Variants in PCDHGA2 observed in about 807,000 individuals in gnomAD.
PCDHGA2 encodes protocadherin gamma subfamily A, 2.
Under a neutral mutation model 59.2 loss-of-function variants are expected in PCDHGA2, and 40 were observed. The observed-to-expected ratio is 0.68, with a 90% CI of 0.52 to 0.88. The LOEUF is 0.88. Among genes scored for constraint, PCDHGA2 ranks in the 40% least tolerant of loss-of-function variants. The pLI, the probability that PCDHGA2 is intolerant of heterozygous loss-of-function variation, is 0.00. For synonymous variants in PCDHGA2, 560 were observed against 526.0 expected, an observed-to-expected ratio of 1.06 and a Z score of -0.89; for missense variants, 1,226 against 1,204.0, an observed-to-expected ratio of 1.02 and a Z score of -0.27.
chr5:141,421,697 A>T (rs750973568), intron 1 of PCDHGA2: 8 of 1,613,924 alleles, frequency 5.0e-6, no homozygotes, highest in Non-Finnish European at 6.8e-6. Context: ...GCTCTTCCTA[A>T]TGCTAGGGAT....
In PCDHGA2 at chr5:141,409,805, C is replaced by G. The variant is rs751397816; in HGVS notation, c.2424+68410C>G. ...CGCCTTCGCGCTCACGCTGCAGGCC[C>G]GCGACCACGGCTCGCCCACGCTCAG... On this transcript the variant is annotated intron_variant, in intron 1 of 3. Coordinates refer to ENST00000394576, the MANE Select transcript of PCDHGA2 (RefSeq NM_018915.4). 8 of 1,611,512 alleles carry G rather than the reference C, an allele frequency of 5.0e-6. No individual in the cohort carries two copies. In the African/African-American group the frequency reaches 5.3e-5, roughly 11 times the overall value.
Position 141,383,518 on chromosome 5 carries a change from G to A in PCDHGA2, c.2424+42123G>A, listed in dbSNP as rs1286743255. The A allele has an allele frequency of 2.5e-6, 4 of 1,612,554 alleles. 1 individual carries two copies. The highest frequency in any genetic ancestry group is 2.2e-5 in the South Asian group (2 of 90,928). On this transcript the variant is annotated intron_variant, in intron 1 of 3. Coordinates refer to ENST00000394576, the MANE Select transcript of PCDHGA2 (RefSeq NM_018915.4). The stretch of plus-strand genomic sequence containing the variant: ...GGTGCTGGACCGGGAGGAAGAGCGG[G>A]TTCACCACCTGGTCCTCACAGCCTC...
At chr5:141,506,669 A>C (rs1293213848) in intron 3 of PCDHGA2, among the ~76,000 whole-genome samples, 1 of 152,198 alleles carries the variant, frequency 6.6e-6, no homozygotes, top group African/African-American at 2.4e-5. Flanking sequence ...GTAAGGGCAC[A>C]ATATATTATT....
At chr5:141,429,814 T>C (rs554065871) in intron 1 of PCDHGA2, among the ~76,000 whole-genome samples, 3 of 152,322 alleles carry the variant, frequency 2.0e-5, no homozygotes, top group African/African-American at 7.2e-5. Flanking sequence ...TAATTACAAT[T>C]AGGTCAGTTA....
chr5:141,361,085 T>A, intron 1 of PCDHGA2: 1 of 1,614,014 alleles, frequency 6.2e-7, no homozygotes, highest in Non-Finnish European at 8.5e-7. Flanking sequence ...AGTTACACTC[T>A]GAGTATCGAA....
intron 1 of PCDHGA2, among the ~76,000 whole-genome samples, chr5:141,455,423 CA>C (rs2098822271): frequency 6.6e-6 from 1 of 152,040 alleles, no homozygotes; most frequent in Non-Finnish European, 1.5e-5. Flanking sequence ...AGCGGGGCTC[CA>C]AAAGAGGAGG....
chr5:141,421,850 C>T, intron 1 of PCDHGA2: 1 of 1,613,752 alleles, frequency 6.2e-7, no homozygotes, highest in Non-Finnish European at 8.5e-7. Context: ...AAAGAGGCTG[C>T]TCACCTGCTC....
chr5:141,389,789 C>A (rs1437335316), intron 1 of PCDHGA2: 4 of 1,613,328 alleles, frequency 2.5e-6, no homozygotes, highest in African/African-American at 2.7e-5. Flanking sequence ...ACAGGGACGC[C>A]GTCCGCCAGC....
At chr5:141,370,823 C>T (rs764531085) in intron 1 of PCDHGA2, 167 of 1,613,906 alleles carry the variant, frequency 1.0e-4, no homozygotes, top group Non-Finnish European at 1.2e-4. Flanking sequence ...TGGAAATCAG[C>T]GAACTGGCTC....
chr5:141,399,991 G>C, intron 1 of PCDHGA2: 1 of 1,612,422 alleles, frequency 6.2e-7, no homozygotes, highest in Non-Finnish European at 8.5e-7. Context: ...CACAGGAGAG[G>C]TGCGCACAGC....
At chr5:141,430,752 A>C (rs772436100) in intron 1 of PCDHGA2, 1 of 1,501,400 alleles carries the variant, frequency 6.7e-7, no homozygotes, top group East Asian at 2.3e-5. Context: ...TTCTGGAGGA[A>C]GATAAGAATG....
chr5:141,427,703 C>A (rs529490424), intron 1 of PCDHGA2: 2 of 957,514 alleles, frequency 2.1e-6, no homozygotes, highest in African/African-American at 1.6e-5. Flanking sequence ...CACAAGTCAG[C>A]GCCTCTGACC....
intron 1 of PCDHGA2, chr5:141,398,042 T>C: frequency 6.7e-7 from 1 of 1,495,000 alleles, no homozygotes; most frequent in East Asian, 2.4e-5. Context: ...CTAAAGCCCG[T>C]TCGGAGATCC....
chr5:141,501,331 A>ACC (rs906542724), intron 2 of PCDHGA2, among the ~76,000 whole-genome samples: 1 of 138,846 alleles, frequency 7.2e-6, no homozygotes, highest in Non-Finnish European at 1.6e-5. Flanking sequence ...ACACACACAC[A>ACC]CACCCCAAAC....
chr5:141,343,143 AG>A (rs1757259206), intron 1 of PCDHGA2: 1 of 228,326 alleles, frequency 4.4e-6, no homozygotes. Context: ...ATCTCTGTGA[AG>A]GAAGCTACTG....
chr5:141,420,840 TC>T (rs1453160032), intron 1 of PCDHGA2, among the ~76,000 whole-genome samples: 1 of 152,250 alleles, frequency 6.6e-6, no homozygotes, highest in Admixed American at 6.5e-5. Flanking sequence ...TCGCAGGTGT[TC>T]TTGGTAAAGT....
intron 1 of PCDHGA2, chr5:141,419,785 G>A (rs1268841728): frequency 1.2e-6 from 2 of 1,613,934 alleles, no homozygotes; most frequent in Non-Finnish European, 1.7e-6. Flanking sequence ...GCCAGCGCCT[G>A]CTAGTCGCTG....
At chr5:141,399,511 C>A (rs1252813422) in intron 1 of PCDHGA2, 1 of 1,613,924 alleles carries the variant, frequency 6.2e-7, no homozygotes, top group African/African-American at 1.3e-5. Flanking sequence ...CGAAAACAAC[C>A]CTCCTGGGGC....
chr5:141,361,410 C>G (rs759239364), intron 1 of PCDHGA2: 5 of 1,614,054 alleles, frequency 3.1e-6, no homozygotes, highest in Non-Finnish European at 2.5e-6. Context: ...TCACAGCCAC[C>G]GACGGGGGCA....
Sources: allele counts gnomAD v4.1 joint callset (sites outside exome capture counted in the v4.1 genomes callset), GRCh38; gene constraint gnomAD v4.1.1; transcripts MANE v1.5; gene names NCBI Gene and HGNC (gene_info 2026-07-23, HGNC 2026-07-21).